The following PFKP variants were observed in gnomAD, a reference collection of about 807,000 sequenced individuals.
The protein encoded by PFKP is ATP-dependent 6-phosphofructokinase, platelet type.
A neutral mutation model predicts 94.3 loss-of-function variants in PFKP; 101 were observed. The observed-to-expected ratio is 1.07, with a 90% confidence interval of 0.91 to 1.26. The LOEUF (loss-of-function observed/expected upper bound fraction) is 1.26. Ranked by LOEUF, PFKP falls within the 50% of genes most tolerant of loss-of-function variation. The probability of loss-of-function intolerance (pLI) is 0.00; values close to 1 mark genes in which losing one functional copy is unlikely to be tolerated. For missense variants in PFKP, 1,145 were observed against 1,103.3 expected, an observed-to-expected ratio of 1.04 and a Z score of -0.53; for synonymous variants, 573 against 432.6, an observed-to-expected ratio of 1.32 and a Z score of -4.03.
chr10:3,102,709 C>T (rs903465077), intron 4 of PFKP, among the ~76,000 whole-genome samples: 4 of 152,178 alleles, frequency 2.6e-5, no homozygotes, highest in African/African-American at 9.7e-5. Flanking sequence ...AGTTTTTCTC[C>T]CTTGAAGCGG....
intron 2 of PFKP, among the ~76,000 whole-genome samples, chr10:3,091,796 GAAAA>G (rs920192563): frequency 1.3e-5 from 2 of 149,932 alleles, no homozygotes; most frequent in African/African-American, 5.1e-5. Flanking sequence ...AAAAGAAAAA[GAAAA>G]AAGTCTTTTA....
intron 2 of PFKP, among the ~76,000 whole-genome samples, chr10:3,096,509 C>G (rs1407331298): frequency 6.6e-6 from 1 of 152,114 alleles, no homozygotes; most frequent in Admixed American, 6.6e-5. Flanking sequence ...CAGGGAGGTC[C>G]CGGTTTCTGC....
At chr10:3,101,322 C>T (rs561572264) in intron 3 of PFKP, 43 bp from the exon 4 acceptor site, 1 of 1,514,658 alleles carries the variant, frequency 6.6e-7, no homozygotes, top group Non-Finnish European at 8.9e-7. Flanking sequence ...ACCTGGCGCT[C>T]TCTCAGACTG....
intron 7 of PFKP, 103 bp downstream of exon 7, chr10:3,105,604 C>A: frequency 1.3e-6 from 1 of 790,426 alleles, no homozygotes. Context: ...AAAAATTTCT[C>A]TGTCTCCAGT....
At chr10:3,114,637 C>G (rs922054400) in intron 13 of PFKP, among the ~76,000 whole-genome samples, 7 of 152,236 alleles carry the variant, frequency 4.6e-5, no homozygotes, top group African/African-American at 1.7e-4. Flanking sequence ...ATCCCCCAGA[C>G]AGCAATGCTG....
chr10:3,068,171 C>T (rs1040002336), intron 1 of PFKP, among the ~76,000 whole-genome samples: 3 of 151,772 alleles, frequency 2.0e-5, no homozygotes, highest in African/African-American at 7.2e-5. Flanking sequence ...TTCCTAAGTG[C>T]CCCCCCGCCC....
chr10:3,133,168 C>A (rs66787824), intron 18 of PFKP, 35 bp from the exon 19 acceptor site: 5 of 1,538,300 alleles, frequency 3.3e-6, no homozygotes, highest in African/African-American at 1.4e-5. Flanking sequence ...GCCCACTGCA[C>A]GCTAAACAAA....
intron 13 of PFKP, among the ~76,000 whole-genome samples, chr10:3,115,429 G>GCT (rs1366708483): frequency 3.8e-4 from 9 of 23,552 alleles, no homozygotes; most frequent in South Asian, 2.3e-3. Context: ...CCGCCATGGA[G>GCT]GACAGGACTG....
At chr10:3,116,921 G>C in intron 14 of PFKP, 75 bp downstream of exon 14, 1 of 1,143,220 alleles carries the variant, frequency 8.7e-7, no homozygotes. Context: ...GAGAATCGCT[G>C]GGTGCCGACG....
At chr10:3,094,907 G>C (rs534209348) in intron 2 of PFKP, among the ~76,000 whole-genome samples, 6 of 152,320 alleles carry the variant, frequency 3.9e-5, no homozygotes, top group African/African-American at 1.4e-4. Flanking sequence ...TATTTACTCA[G>C]AAGCAGCAAA....
At chr10:3,129,751 G>A in intron 16 of PFKP, 68 bp from the exon 17 acceptor site, 2 of 1,557,254 alleles carry the variant, frequency 1.3e-6, no homozygotes, top group Non-Finnish European at 1.8e-6. Context: ...TCACTCTTGG[G>A]GGAGCTCTGG....
intron 1 of PFKP, among the ~76,000 whole-genome samples, chr10:3,072,833 C>A (rs1439537873): frequency 6.6e-6 from 1 of 151,930 alleles, no homozygotes; most frequent in East Asian, 1.9e-4. Context: ...GTAACGTAGT[C>A]AGGACAAACA....
At position 3,122,817 on chromosome 10, in the gene PFKP, G is replaced by A. The variant is rs571769808; in HGVS notation, c.1683+2773G>A. ...CAGGGGTGGTGATTTTGCCCCAGGG[G>A]ATGTTTGCAACGTCCAGGGAGGTTT... On this transcript the variant is annotated intron_variant, in intron 16 of 21. Coordinates refer to ENST00000381125, the MANE Select transcript of PFKP (RefSeq NM_002627.5). Among the ~76,000 whole-genome samples, 19 of 152,316 alleles carry A rather than the reference G, an allele frequency of 1.2e-4. No individual in the cohort carries two copies. The East Asian group carries it at 2.1e-3, about 17-fold the overall frequency.
chr10:3,135,687 C>G (rs768874690), intron 20 of PFKP, 49 bp from the exon 21 acceptor site: 1 of 1,141,312 alleles, frequency 8.8e-7, no homozygotes, highest in Non-Finnish European at 1.3e-6. Context: ...GCTCCCCCAC[C>G]TGCCCATGTT....
At position 3,134,573 on chromosome 10, in the gene PFKP, C is replaced by CGGGGCAGAGGTAAGGGGTCT; in HGVS notation, c.2118_2122+15dup. ...GATCACTGCAAAACTCAAGGAGGCC[C>CGGGGCAGAGGTAAGGGGTCT]GGGGCAGAGGTAAGGGGTCTGGGGA... On this transcript the variant is annotated frameshift_variant, in exon 20 of 22. Transcript: ENST00000381125. LOFTEE classifies it high-confidence loss of function. 6.2e-7 allele frequency: 1 copy of CGGGGCAGAGGTAAGGGGTCT among 1,611,308 alleles called. No individual in the cohort carries two copies. The highest frequency in any genetic ancestry group is 8.5e-7 in the Non-Finnish European group (1 of 1,177,588).
At chr10:3,109,923 G>A (rs561824073) in intron 10 of PFKP, among the ~76,000 whole-genome samples, 4 of 152,010 alleles carry the variant, frequency 2.6e-5, no homozygotes, top group East Asian at 1.9e-4. Context: ...GGAGGCGGGC[G>A]TGAGAGAGAT....
intron 2 of PFKP, among the ~76,000 whole-genome samples, chr10:3,088,710 A>G (rs1232841525): frequency 2.0e-5 from 3 of 152,144 alleles, no homozygotes; most frequent in Non-Finnish European, 2.9e-5. Context: ...TTTTTTTAAA[A>G]TTTATTTTAT....
chr10:3,133,956 C>T (rs1434112391), intron 19 of PFKP, among the ~76,000 whole-genome samples: 1 of 152,088 alleles, frequency 6.6e-6, no homozygotes, highest in Non-Finnish European at 1.5e-5. Flanking sequence ...TACTTGACAC[C>T]CCAAGTCAGA....
rs1837418872 is a variant in PFKP at position 3,121,652 on chromosome 10, T to C, written c.1683+1608T>C. Reference sequence around the variant, plus strand: ...AGGGTCAAATTTATGAAAACCAAAATACGTGGGGCAAAAACACCCCACAAA... The same window carrying C: ...AGGGTCAAATTTATGAAAACCAAAACACGTGGGGCAAAAACACCCCACAAA... On this transcript the variant is annotated intron_variant, in intron 16 of 21. Coordinates refer to ENST00000381125, the MANE Select transcript of PFKP (RefSeq NM_002627.5). Among the ~76,000 whole-genome samples, 5 of 143,366 alleles carry C rather than the reference T, an allele frequency of 3.5e-5. No individual in the cohort carries two copies. The Admixed American group carries it at 3.7e-4, about 11-fold the overall frequency. The allele number at this position is 143,366 out of a possible 152,430, so 94.1% of individuals were successfully genotyped here.
Sources: allele counts gnomAD v4.1 joint callset (sites outside exome capture counted in the v4.1 genomes callset), GRCh38; gene constraint gnomAD v4.1.1; transcripts MANE v1.5; gene names NCBI Gene and HGNC (gene_info 2026-07-23, HGNC 2026-07-21).